Variants in TTC28 observed in about 807,000 individuals in gnomAD.
The protein encoded by TTC28 is tetratricopeptide repeat protein 28.
In TTC28, 61 loss-of-function variants were observed where a neutral mutation model predicts 198.0. The ratio of observed to expected loss-of-function variants is 0.31; its 90% confidence interval spans 0.25 to 0.38. The LOEUF (loss-of-function observed/expected upper bound fraction) is 0.38, where lower values mean the gene tolerates loss of function less well. Ranked by LOEUF, TTC28 falls within the 10% of genes least tolerant of loss-of-function variation. The pLI is 1.00. For synonymous variants in TTC28, 1,171 were observed against 1,297.8 expected, an observed-to-expected ratio of 0.90 and a Z score of 2.10; for missense variants, 2,678 against 3,164.0, an observed-to-expected ratio of 0.85 and a Z score of 3.69.
chr22:28,565,285 T>A (rs1298992627), intron 2 of TTC28, among the ~76,000 whole-genome samples: 1 of 152,118 alleles, frequency 6.6e-6, no homozygotes, highest in Non-Finnish European at 1.5e-5. Context: ...GAAATTAAAC[T>A]GCACCAAAAT....
rs1238951184 is a variant in TTC28, at chr22:28,084,281, C to G, written c.3932+9799G>C. On this transcript the variant is annotated intron_variant, in intron 12 of 22. Transcript: ENST00000397906. ...CACCCCAGTAGCGGCGGACTGATACCTCACATGGCTGGGTACTCCTCTGAG... is the reference window on the plus strand; with the variant it reads ...CACCCCAGTAGCGGCGGACTGATACGTCACATGGCTGGGTACTCCTCTGAG... Among the ~76,000 whole-genome samples the G allele has an allele frequency of 2.0e-5, 3 of 152,208 alleles. No homozygotes were observed. In the East Asian group the frequency reaches 5.8e-4, roughly 29 times the overall value.
intron 1 of TTC28, among the ~76,000 whole-genome samples, chr22:28,667,204 G>C (rs1356462417): frequency 1.1e-4 from 3 of 27,266 alleles, no homozygotes; most frequent in African/African-American, 3.4e-4. Context: ...TACTGAATGG[G>C]CAAAAACTGG....
chr22:28,043,068 AC>A (rs1425668551), intron 12 of TTC28, among the ~76,000 whole-genome samples: 3 of 151,874 alleles, frequency 2.0e-5, no homozygotes, highest in East Asian at 1.9e-4. Flanking sequence ...AAATGGCAAA[AC>A]CCTGTCTCTA....
chr22:27,985,434 T>A, intron 21 of TTC28, 78 bp from the exon 22 acceptor site: 7 of 1,150,936 alleles, frequency 6.1e-6, no homozygotes, highest in African/African-American at 1.5e-5. Flanking sequence ...ATAGGGCTCC[T>A]TGTGCAACTT....
chr22:28,304,111 C>T (rs1029899528), intron 3 of TTC28, among the ~76,000 whole-genome samples: 2 of 152,050 alleles, frequency 1.3e-5, no homozygotes, highest in African/African-American at 4.8e-5. Flanking sequence ...CGATGAAACC[C>T]CGTCTCTACT....
At chr22:28,426,211 CA>C (rs34448246) in intron 2 of TTC28, among the ~76,000 whole-genome samples, 36,631 of 85,564 alleles carry the variant, frequency 0.43, 4,930 homozygotes, top group South Asian at 0.51. Context: ...GACTCCACGT[CA>C]AAAAAAAAAA....
intron 5 of TTC28, among the ~76,000 whole-genome samples, chr22:28,198,550 C>G (rs1459271913): frequency 1.3e-5 from 2 of 152,056 alleles, no homozygotes; most frequent in Non-Finnish European, 2.9e-5. Context: ...CATTTAATGA[C>G]ATTTTAAAAA....
At chr22:28,343,635 A>T (rs1009644935) in intron 2 of TTC28, among the ~76,000 whole-genome samples, 1 of 152,138 alleles carries the variant, frequency 6.6e-6, no homozygotes, top group Non-Finnish European at 1.5e-5. Flanking sequence ...CCTTTAAGTG[A>T]GATTTGTAGA....
chr22:28,318,954 G>GT (rs2045400557), intron 2 of TTC28, among the ~76,000 whole-genome samples: 1 of 150,684 alleles, frequency 6.6e-6, no homozygotes, highest in Non-Finnish European at 1.5e-5. Context: ...AAGTAGTTAG[G>GT]ACTACAGGTA....
At position 28,123,126 on chromosome 22, in the gene TTC28, G is replaced by C. The variant is rs117224769; in HGVS notation, c.1442-14723C>G. 3.6e-3 allele frequency among the ~76,000 whole-genome samples: 549 copies of C among 152,328 alleles called. 10 individuals carry two copies. The East Asian group carries it at 0.053, about 15-fold the overall frequency. On this transcript the variant is annotated intron_variant, in intron 6 of 22. Transcript: ENST00000397906. ...ACAACACATCAGCTCACTGAAATAT[G>C]GGAGCAAGATGAGAAACGGAAGAAC...
chr22:28,497,028 A>G (rs1034831958), intron 2 of TTC28, among the ~76,000 whole-genome samples: 1 of 152,080 alleles, frequency 6.6e-6, no homozygotes, highest in African/African-American at 2.4e-5. Context: ...CTTAAATATC[A>G]TCTTCTTGAT....
chr22:28,593,557 G>GCATATTTAATTT (rs2050479004), intron 2 of TTC28, among the ~76,000 whole-genome samples: 1 of 148,064 alleles, frequency 6.8e-6, no homozygotes, highest in African/African-American at 2.7e-5. Context: ...GAAGAGTTTA[G>GCATATTTAATTT]ATTGACTGAT....
At chr22:28,463,876 G>A (rs578138459) in intron 2 of TTC28, among the ~76,000 whole-genome samples, 4 of 152,084 alleles carry the variant, frequency 2.6e-5, no homozygotes, top group South Asian at 2.1e-4. Flanking sequence ...AAACCTGCAC[G>A]TTGTGCACAT....
At chr22:28,314,345 C>A (rs921265611) in intron 2 of TTC28, among the ~76,000 whole-genome samples, 2 of 152,124 alleles carry the variant, frequency 1.3e-5, no homozygotes, top group African/African-American at 4.8e-5. Context: ...ACTTTCTTCA[C>A]AGAATTGGAA....
rs989382560 is a variant in TTC28, at chr22:27,989,912, C to G, written c.5673G>C (p.Arg1891=). ...IQVSISVQLW[R]LPGCHEFLAA... is the part of the protein sequence containing the mutation. ...CCAGGAACTCGTGGCATCCCGGGAG[C>G]CGCCACAGCTGGACGCTGATGGAGA... The change falls in exon 21 of 23, where the codon CGG becomes CGC. Residue 1891 remains arginine (R), a synonymous_variant. Transcript: ENST00000397906. 1 of 1,551,132 alleles carries G rather than the reference C, an allele frequency of 6.4e-7. No homozygotes were observed. Among genetic ancestry groups the G allele is most frequent in the African/African-American group, 1.4e-5 (1 of 73,062 alleles).
chr22:28,263,773 C>G (rs1445972170), intron 5 of TTC28, among the ~76,000 whole-genome samples: 1 of 151,932 alleles, frequency 6.6e-6, no homozygotes, highest in Non-Finnish European at 1.5e-5. Flanking sequence ...AAGTTTTGAT[C>G]TCAGAACAAA....
At chr22:28,152,957 G>A (rs1202478504) in intron 6 of TTC28, among the ~76,000 whole-genome samples, 1 of 151,754 alleles carries the variant, frequency 6.6e-6, no homozygotes, top group African/African-American at 2.4e-5. Context: ...ATTTATTTAG[G>A]ATACTAGGTT....
At chr22:28,589,669 T>TTA (rs1266732043) in intron 2 of TTC28, among the ~76,000 whole-genome samples, 4 of 152,164 alleles carry the variant, frequency 2.6e-5, no homozygotes, top group African/African-American at 7.2e-5. Flanking sequence ...CTCAAGATTG[T>TTA]TATATGTAAA....
chr22:28,013,788 C>T (rs751636929), intron 14 of TTC28, among the ~76,000 whole-genome samples: 6 of 151,924 alleles, frequency 3.9e-5, no homozygotes, highest in East Asian at 1.9e-4. Flanking sequence ...GGCACATCCA[C>T]GGCCACATCC....
Sources: allele counts gnomAD v4.1 joint callset (sites outside exome capture counted in the v4.1 genomes callset), GRCh38; gene constraint gnomAD v4.1.1; transcripts MANE v1.5; gene names NCBI Gene and HGNC (gene_info 2026-07-23, HGNC 2026-07-21).